The following DCAF8L2 variants were observed in gnomAD, a reference collection of about 807,000 sequenced individuals.
DCAF8L2 encodes DDB1- and CUL4-associated factor 8-like protein 2.
For missense variants in DCAF8L2, 430 were observed against 490.7 expected (o/e 0.88, Z 1.17); for synonymous variants, 200 against 190.9 (o/e 1.05, Z -0.39).
the DCAF8L2 span, among the ~76,000 whole-genome samples, chrX:27,548,643 G>A: frequency 9.0e-6 from 1 of 111,281 alleles, no homozygotes; most frequent in Non-Finnish European, 1.9e-5. Flanking sequence ...GTACTGAACA[G>A]TGTTACAACA....
chrX:27,552,204 T>C, the DCAF8L2 span, among the ~76,000 whole-genome samples: 2 of 111,859 alleles, frequency 1.8e-5, no homozygotes, highest in Non-Finnish European at 3.8e-5. Context: ...ATTAACTCCT[T>C]GTTAAATGCA....
At chrX:27,745,541 G>A (rs915822011) in intron 4 of DCAF8L2, among the ~76,000 whole-genome samples, 14 of 111,730 alleles carry the variant, frequency 1.3e-4, no homozygotes, top group Middle Eastern at 4.7e-3. Context: ...AGTTTGCTGC[G>A]CTAGACTTTA....
chrX:27,586,164 A>AC (rs1427466398), upstream of DCAF8L2, among the ~76,000 whole-genome samples: 3 of 108,622 alleles, frequency 2.8e-5, no homozygotes, highest in Non-Finnish European at 5.7e-5. Flanking sequence ...ATCTTATTTC[A>AC]CCCCCCACTC....
At position 27,749,010 on chromosome X, in the gene DCAF8L2, C is replaced by T. The variant is rs17348357; in HGVS notation, c.*219C>T. Among the ~76,000 whole-genome samples the T allele has an allele frequency of 0.11, 11,771 of 110,013 alleles. 603 individuals are homozygous for T. The highest frequency in any genetic ancestry group is 0.38 in the East Asian group (1,289 of 3,418). ...CATTCCTTTCCTCTTGGTTTCTTTA[C>T]GCCTCTTTTGTTACCCCTTATTCTT... On this transcript the variant is annotated 3_prime_UTR_variant, in exon 5 of 5. Coordinates refer to ENST00000451261, the MANE Select transcript of DCAF8L2 (RefSeq NM_001353450.2).
the DCAF8L2 span, among the ~76,000 whole-genome samples, chrX:27,574,764 C>A: frequency 1.8e-5 from 2 of 111,216 alleles, no homozygotes; most frequent in African/African-American, 6.6e-5. Flanking sequence ...GGGTCTGGCT[C>A]GCTTTTTCAG....
chrX:27,669,888 G>A (rs1173664918), intron 2 of DCAF8L2, among the ~76,000 whole-genome samples: 1 of 111,509 alleles, frequency 9.0e-6, no homozygotes, highest in Non-Finnish European at 1.9e-5. Flanking sequence ...GGACATTTGG[G>A]TTGGTTCCAA....
At chrX:27,537,718 T>A in the DCAF8L2 span, among the ~76,000 whole-genome samples, 1 of 111,944 alleles carries the variant, frequency 8.9e-6, no homozygotes, top group Admixed American at 9.5e-5. Context: ...GCATCTGGGC[T>A]GGTTTTACAG....
chrX:27,704,181 C>CACACACACACACACACAT (rs200753295), intron 3 of DCAF8L2, among the ~76,000 whole-genome samples: 1 of 89,466 alleles, frequency 1.1e-5, no homozygotes, highest in African/African-American at 5.5e-5. Context: ...TATACATATA[C>CACACACACACACACACAT]ACACACACAT....
chrX:27,689,705 C>A (rs1042784093), intron 3 of DCAF8L2, among the ~76,000 whole-genome samples: 3 of 112,361 alleles, frequency 2.7e-5, no homozygotes, highest in African/African-American at 9.7e-5. Context: ...ATAAATGATT[C>A]ATTCATTCAT....
chrX:27,520,664 G>A, the DCAF8L2 span, among the ~76,000 whole-genome samples: 2 of 111,995 alleles, frequency 1.8e-5, no homozygotes, highest in African/African-American at 3.2e-5. Flanking sequence ...CCTTGCAAGT[G>A]TATGATAGGC....
chrX:27,696,318 GAAAGAAAGAAAGAAAA>G (rs745726587), intron 3 of DCAF8L2, among the ~76,000 whole-genome samples: 10,114 of 53,883 alleles, frequency 0.19, 506 homozygotes, highest in African/African-American at 0.25. Flanking sequence ...AAGAAAGAAA[GAAAGAAAGAAAGAAAA>G]AGAAAGAAAG....
At chrX:27,499,026 T>G in the DCAF8L2 span, among the ~76,000 whole-genome samples, 2 of 112,504 alleles carry the variant, frequency 1.8e-5, no homozygotes, top group African/African-American at 6.5e-5. Context: ...AATGCTGCAA[T>G]GAACATAGGA....
At chrX:27,598,793 A>T (rs1229790035) in intron 1 of DCAF8L2, among the ~76,000 whole-genome samples, 1 of 109,907 alleles carries the variant, frequency 9.1e-6, no homozygotes, top group Non-Finnish European at 1.9e-5. Flanking sequence ...TTTATCCTGC[A>T]ACAACATAAC....
At chrX:27,508,543 T>A in the DCAF8L2 span, among the ~76,000 whole-genome samples, 1 of 108,864 alleles carries the variant, frequency 9.2e-6, no homozygotes, top group African/African-American at 3.3e-5. Flanking sequence ...TAATCATCAT[T>A]TTGTGATTCA....
At chrX:27,666,145 A>G (rs1454262754) in intron 2 of DCAF8L2, among the ~76,000 whole-genome samples, 5 of 112,074 alleles carry the variant, frequency 4.5e-5, no homozygotes, top group Non-Finnish European at 9.4e-5. Flanking sequence ...TCCTCTTAAA[A>G]CAAATATTAA....
At chrX:27,727,611 C>A (rs1932113057) in intron 4 of DCAF8L2, among the ~76,000 whole-genome samples, 1 of 111,176 alleles carries the variant, frequency 9.0e-6, no homozygotes, top group African/African-American at 3.3e-5. Context: ...TTTATCTGTA[C>A]TTGTATTCTT....
intron 1 of DCAF8L2, among the ~76,000 whole-genome samples, chrX:27,602,115 A>T (rs1401952164): frequency 9.0e-6 from 1 of 111,104 alleles, no homozygotes; most frequent in African/African-American, 3.3e-5. Flanking sequence ...TGAGTGCAGT[A>T]GCGCAAGTCT....
intron 1 of DCAF8L2, among the ~76,000 whole-genome samples, chrX:27,617,067 C>T (rs1255393914): frequency 9.0e-6 from 1 of 111,126 alleles, no homozygotes; most frequent in Non-Finnish European, 1.9e-5. Context: ...ATATCACTCC[C>T]TCCTTTAATA....
chrX:27,741,459 C>T (rs1216825375), intron 4 of DCAF8L2, among the ~76,000 whole-genome samples: 1 of 105,243 alleles, frequency 9.5e-6, no homozygotes, highest in Non-Finnish European at 2.0e-5. Context: ...TTCAAGCAGC[C>T]TGCACCTTAA....
Sources: gnomAD v4.1 joint callset for allele counts (sites outside exome capture counted in the v4.1 genomes callset) on GRCh38, gnomAD v4.1.1 for gene constraint, MANE v1.5 for transcripts, NCBI Gene and HGNC (gene_info 2026-07-23, HGNC 2026-07-21) for gene names.